ADGRD1: variants seen among roughly 807,000 people sequenced by gnomAD.
The protein encoded by ADGRD1 is adhesion G protein-coupled receptor D1, also known as G-protein coupled receptor 133.
ADGRD1 carries 77 observed loss-of-function variants against 113.4 expected under a neutral mutation model. The observed-to-expected ratio is 0.68, with a 90% CI of 0.57 to 0.82. ADGRD1 has a LOEUF of 0.82. Ranked by LOEUF, ADGRD1 falls within the 40% of genes least tolerant of loss-of-function variation. The pLI is 0.00. For missense variants in ADGRD1, 1,036 were observed against 1,139.1 expected, an observed-to-expected ratio of 0.91 and a Z score of 1.30; for synonymous variants, 474 against 475.0, an observed-to-expected ratio of 1.00 and a Z score of 0.03.
chr12:131,065,470 C>T (rs1283075691), intron 13 of ADGRD1, among the ~76,000 whole-genome samples: 2 of 152,256 alleles, frequency 1.3e-5, no homozygotes, highest in African/African-American at 2.4e-5. Flanking sequence ...CCTCTGGAGA[C>T]AGAACCGGAG....
intron 13 of ADGRD1, among the ~76,000 whole-genome samples, chr12:131,043,697 G>A (rs927971331): frequency 6.6e-5 from 10 of 152,250 alleles, no homozygotes; most frequent in Admixed American, 2.6e-4. Context: ...AGGGCCACAC[G>A]GGGATGCACG....
At chr12:131,059,926 G>A (rs994437604) in intron 13 of ADGRD1, among the ~76,000 whole-genome samples, 17 of 151,940 alleles carry the variant, frequency 1.1e-4, no homozygotes, top group African/African-American at 3.4e-4. Flanking sequence ...TCCGGTTCTC[G>A]GTATGACAAA....
chr12:131,015,465 T>C (rs111205255), intron 13 of ADGRD1, among the ~76,000 whole-genome samples: 1 of 121,674 alleles, frequency 8.2e-6, no homozygotes, highest in African/African-American at 3.1e-5. Context: ...ACTGGAGATG[T>C]TGGAGATAGA....
chr12:131,076,390 T>C (rs1429389423), intron 13 of ADGRD1, among the ~76,000 whole-genome samples: 1 of 152,068 alleles, frequency 6.6e-6, no homozygotes, highest in Non-Finnish European at 1.5e-5. Flanking sequence ...CGGTGCTGTT[T>C]AGAACAGGTA....
chr12:131,016,445 G>C (rs1878581941), intron 13 of ADGRD1, among the ~76,000 whole-genome samples: 1 of 152,232 alleles, frequency 6.6e-6, no homozygotes, highest in Non-Finnish European at 1.5e-5. Flanking sequence ...CTGGTCCCCT[G>C]CACAGGCTGT....
intron 9 of ADGRD1, among the ~76,000 whole-genome samples, chr12:131,001,361 AAAC>A (rs1227804665): frequency 1.3e-5 from 2 of 152,252 alleles, no homozygotes; most frequent in African/African-American, 4.8e-5. Flanking sequence ...AGATAATAAA[AAAC>A]AAAATAAAAA....
chr12:131,004,392 G>GCGGCGGTGCTCCCCCGGGCCGC (rs374208769), intron 11 of ADGRD1, 96 bp downstream of exon 11: 1 of 790,264 alleles, frequency 1.3e-6, no homozygotes, highest in African/African-American at 1.7e-5. Context: ...GCGCCAGGGA[G>GCGGCGGTGCTCCCCCGGGCCGC]CTGCGGTGCT....
At chr12:130,967,456 T>C (rs967453512) in intron 3 of ADGRD1, 2 of 161,680 alleles carry the variant, frequency 1.2e-5, no homozygotes, top group Non-Finnish European at 2.7e-5. Flanking sequence ...TTGCTCTTGA[T>C]CATGTCAGAT....
At chr12:130,963,133 A>T (rs1390708158) in intron 2 of ADGRD1, 1 of 152,124 alleles carries the variant, frequency 6.6e-6, no homozygotes, top group East Asian at 1.9e-4. Context: ...ATGCTGGCTA[A>T]CACAGTGAAA....
rs144023497 is a variant in ADGRD1 at position 131,138,206 on chromosome 12, G to A, written c.2506G>A (p.Ala836Thr). Reference protein sequence around the residue: ...LTSSSARTSNAKPFHSDLMNG... With the variant: ...LTSSSARTSNTKPFHSDLMNG... ...GAGCAGCTCTGCCCGCACCTCCAAC[G>A]CGAAGCCCTTCCACTCGGACCTCGT... The change falls in exon 24 of 25, where the codon GCG (alanine) becomes ACG (threonine). Residue 836 changes from alanine to threonine, a missense_variant. Physicochemically the swap from Ala to Thr is moderately conservative, Grantham distance 58 (BLOSUM62 0). Coordinates refer to ENST00000261654, the MANE Select transcript of ADGRD1 (RefSeq NM_198827.5). 66 of 1,613,230 alleles carry A rather than the reference G, an allele frequency of 4.1e-5. No individual in the cohort carries two copies. The highest frequency in any genetic ancestry group is 3.0e-4 in the Admixed American group (18 of 59,982).
At chr12:131,085,938 C>G (rs1886431106) in intron 15 of ADGRD1, among the ~76,000 whole-genome samples, 1 of 152,194 alleles carries the variant, frequency 6.6e-6, no homozygotes, top group African/African-American at 2.4e-5. Flanking sequence ...CCACTGACTT[C>G]TGGAGGCTCG....
Position 131,139,241 on chromosome 12 carries a change from G to A in ADGRD1, c.2603G>A (p.Arg868His), listed in dbSNP as rs61740366. The change falls in exon 25 of 25, where the codon CGC (arginine) becomes CAC (histidine). Residue 868 changes from arginine to histidine, a missense_variant. By Grantham distance (29) the Arg-to-His change is conservative. Coordinates refer to ENST00000261654, the MANE Select transcript of ADGRD1 (RefSeq NM_198827.5). ...PWDKSSHSAHRVDLSAV is the reference protein window; with the variant it reads ...PWDKSSHSAHHVDLSAV ...GACAAGAGCAGCCACTCTGCCCACC[G>A]CGTCGACCTGTCAGCCGTGTGAGCC... 1,755 of 1,612,808 alleles carry A rather than the reference G, an allele frequency of 1.1e-3. 22 individuals carry two copies. The African/African-American group carries it at 0.021, about 19-fold the overall frequency.
At chr12:130,973,117 G>T (rs1468777398) in intron 4 of ADGRD1, 1 of 152,140 alleles carries the variant, frequency 6.6e-6, no homozygotes. Flanking sequence ...GACTTCTCTG[G>T]CTGGCTGGAG....
chr12:131,096,771 G>C lies in ADGRD1; in HGVS notation c.1672-8060G>C, dbSNP rs547913760. 1.1e-4 allele frequency among the ~76,000 whole-genome samples: 16 copies of C among 152,334 alleles called. No homozygotes were observed. Among genetic ancestry groups the C allele is most frequent in the Non-Finnish European group, 2.4e-4 (16 of 68,020 alleles). On this transcript the variant is annotated intron_variant, in intron 15 of 24. Coordinates refer to ENST00000261654, the MANE Select transcript of ADGRD1 (RefSeq NM_198827.5). This position sits in a 1 kb window ranked among gnomAD's most constrained non-coding sequence, Gnocchi z 5.2. ...TACATCGCCACAACTGTTTAAAGCA[G>C]CCATCGTCTGGGGCACAGTGGGGAC...
chr12:130,972,394 C>A (rs113536749), intron 4 of ADGRD1, among the ~76,000 whole-genome samples: 1 of 152,128 alleles, frequency 6.6e-6, no homozygotes, highest in South Asian at 2.1e-4. Context: ...GTGATGAGTT[C>A]ATTGTACATG....
rs147773154 is a variant in ADGRD1, at chr12:130,991,077, T to C, written c.809T>C (p.Val270Ala). 15 of 1,613,290 alleles carry C rather than the reference T, an allele frequency of 9.3e-6. No individual in the cohort carries two copies. The African/African-American group carries it at 1.1e-4, about 11-fold the overall frequency. The change falls in exon 7 of 25, where the codon GTG becomes GCG. Residue 270 changes from valine (V) to alanine (A), a missense_variant and splice_region_variant. Val to Ala is a moderately conservative substitution (Grantham distance 64). Transcript: ENST00000261654. ...SLFMTSTASP[V>A]MPTDAYHPII... The stretch of plus-strand genomic sequence containing the variant: ...TTCATGACATCCACAGCAAGCCCCG[T>C]GGTGAGCAGACACATCTTCCTTGGT...
intron 20 of ADGRD1, among the ~76,000 whole-genome samples, chr12:131,130,514 C>A (rs901550587): frequency 6.6e-6 from 1 of 152,206 alleles, no homozygotes; most frequent in African/African-American, 2.4e-5. Context: ...CTGAGAGAGC[C>A]CTGGGCGGAG....
At chr12:130,961,726 T>C (rs1470092510) in intron 2 of ADGRD1, among the ~76,000 whole-genome samples, 1 of 152,132 alleles carries the variant, frequency 6.6e-6, no homozygotes, top group Non-Finnish European at 1.5e-5. Flanking sequence ...CTCCTTGAGT[T>C]GGAAAAGGAA....
chr12:131,122,891 C>A (rs1341677651), intron 20 of ADGRD1, among the ~76,000 whole-genome samples: 1 of 152,106 alleles, frequency 6.6e-6, no homozygotes, highest in Non-Finnish European at 1.5e-5. Flanking sequence ...CTGTGTCTCC[C>A]AGCTTCACTA....
Sources: allele counts gnomAD v4.1 joint callset (sites outside exome capture counted in the v4.1 genomes callset), GRCh38; gene constraint gnomAD v4.1.1; non-coding constraint Gnocchi (gnomAD v3.1); transcripts MANE v1.5; gene names NCBI Gene and HGNC (gene_info 2026-07-23, HGNC 2026-07-21).